The following OPCML variants were observed in gnomAD, a reference collection of about 807,000 sequenced individuals.
OPCML encodes the protein opioid-binding protein/cell adhesion molecule.
In OPCML, 13 loss-of-function variants were observed where a neutral mutation model predicts 37.8. The ratio of observed to expected loss-of-function variants is 0.34; its 90% CI spans 0.22 to 0.55. The LOEUF (loss-of-function observed/expected upper bound fraction) is 0.55. OPCML is among the 20% of genes least tolerant of loss of function. The pLI is 0.91. For missense variants in OPCML, 341 were observed against 435.6 expected (o/e 0.78, Z 1.93); for synonymous variants, 176 against 168.8 (o/e 1.04, Z -0.33).
At chr11:132,480,834 C>G (rs1592240748) in intron 4 of OPCML, among the ~76,000 whole-genome samples, 1 of 151,888 alleles carries the variant, frequency 6.6e-6, no homozygotes, top group East Asian at 1.9e-4. Context: ...GATTTTGTCA[C>G]CACCAGCCCT....
intron 2 of OPCML, among the ~76,000 whole-genome samples, chr11:132,825,907 C>A (rs1219555937): frequency 6.6e-6 from 1 of 152,190 alleles, no homozygotes; most frequent in African/African-American, 2.4e-5. Flanking sequence ...GCTTTTCCTG[C>A]TGATGTTTAT....
chr11:133,238,890 T>A (rs1032446229), intron 1 of OPCML, among the ~76,000 whole-genome samples: 1 of 152,210 alleles, frequency 6.6e-6, no homozygotes, highest in Non-Finnish European at 1.5e-5. Flanking sequence ...ATCTGGAGAT[T>A]TCAAAGTCCC....
chr11:133,092,527 C>A (rs1031280097), intron 1 of OPCML, among the ~76,000 whole-genome samples: 3 of 152,018 alleles, frequency 2.0e-5, no homozygotes, highest in Non-Finnish European at 2.9e-5. Context: ...GAGTTTGAGA[C>A]CAGCCTGGCC....
At position 132,436,715 on chromosome 11, in the gene OPCML, G is replaced by T; in HGVS notation, c.708C>A (p.Ser236Arg). ...CCATGGGGACTGCAGAGGCTTCACA[G>T]CTCAGGATGCCCTTCTGACCGACTG... The part of the protein sequence containing the change: ...GVSVGQKGIL[S>R]CEASAVPMAE... Residue 236 changes from serine to arginine, a missense_variant, in exon 6 of 8, where the codon AGC becomes AGA. Ser to Arg is a moderately radical substitution (Grantham distance 110). Coordinates refer to ENST00000524381, the MANE Select transcript of OPCML (RefSeq NM_001012393.5). 3 of 1,614,134 alleles carry T rather than the reference G, an allele frequency of 1.9e-6. No individual in the cohort carries two copies. Among genetic ancestry groups the T allele is most frequent in the Non-Finnish European group, 2.5e-6 (3 of 1,180,042 alleles).
intron 2 of OPCML, among the ~76,000 whole-genome samples, chr11:132,810,040 G>C (rs1020438344): frequency 1.2e-4 from 18 of 152,086 alleles, no homozygotes; most frequent in African/African-American, 4.3e-4. Flanking sequence ...TAGTAGAGAC[G>C]GGATTTCACC....
intron 1 of OPCML, chr11:133,007,597 T>C (rs1445360694): frequency 4.1e-6 from 4 of 985,332 alleles, no homozygotes; most frequent in Non-Finnish European, 3.6e-6. Context: ...TAGAATTGCT[T>C]GTAGAAGCTG....
intron 1 of OPCML, among the ~76,000 whole-genome samples, chr11:133,171,709 C>G (rs369292105): frequency 5.9e-5 from 9 of 152,316 alleles, no homozygotes; most frequent in African/African-American, 2.2e-4. Context: ...AATATCTGCT[C>G]TCCCAGGAGA....
At chr11:133,063,080 G>A (rs1948378205) in intron 1 of OPCML, among the ~76,000 whole-genome samples, 6 of 152,226 alleles carry the variant, frequency 3.9e-5, no homozygotes, top group South Asian at 2.1e-4. Context: ...GTCTCAGCAC[G>A]TGCTGTGAGT....
chr11:133,324,904 T>C (rs1049158934), intron 1 of OPCML, among the ~76,000 whole-genome samples: 3 of 152,170 alleles, frequency 2.0e-5, no homozygotes, highest in Non-Finnish European at 4.4e-5. Flanking sequence ...TATAGTATTA[T>C]AGATATATTC....
intron 7 of OPCML, among the ~76,000 whole-genome samples, chr11:132,426,270 T>A (rs1473856638): frequency 6.6e-6 from 1 of 152,132 alleles, no homozygotes; most frequent in Non-Finnish European, 1.5e-5. Context: ...AGGGATCCAT[T>A]TGTGTGGACA....
chr11:133,148,308 G>T (rs1257512320), intron 1 of OPCML, among the ~76,000 whole-genome samples: 1 of 152,150 alleles, frequency 6.6e-6, no homozygotes. Flanking sequence ...TCATGCCATT[G>T]ATCAGATAAT....
chr11:132,760,562 T>C (rs930264789), intron 2 of OPCML, among the ~76,000 whole-genome samples: 2 of 141,498 alleles, frequency 1.4e-5, no homozygotes, highest in East Asian at 2.0e-4. Context: ...ATGCCCTTCT[T>C]TTTTTTTTTT....
chr11:132,950,054 T>C (rs956318872), intron 1 of OPCML, among the ~76,000 whole-genome samples: 1 of 152,304 alleles, frequency 6.6e-6, no homozygotes, highest in East Asian at 1.9e-4. Context: ...GGTAGCCCGC[T>C]AGCCCCAGCA....
At chr11:133,060,584 G>A (rs1325087756) in intron 1 of OPCML, among the ~76,000 whole-genome samples, 1 of 152,224 alleles carries the variant, frequency 6.6e-6, no homozygotes, top group African/African-American at 2.4e-5. Flanking sequence ...GCAGCCACCA[G>A]GCCTTGGCTC....
At chr11:133,510,628 T>G (rs550697561) in intron 1 of OPCML, among the ~76,000 whole-genome samples, 1 of 152,330 alleles carries the variant, frequency 6.6e-6, no homozygotes, top group South Asian at 2.1e-4. Context: ...TGATTTAGGA[T>G]AGCATGTGGT....
intron 2 of OPCML, among the ~76,000 whole-genome samples, chr11:132,794,449 A>AT (rs1161951409): frequency 6.6e-6 from 1 of 152,132 alleles, no homozygotes; most frequent in African/African-American, 2.4e-5. Context: ...CTGGATAAAT[A>AT]TTTTTTCTAA....
At chr11:132,843,900 G>A (rs1941406042) in intron 2 of OPCML, among the ~76,000 whole-genome samples, 1 of 152,208 alleles carries the variant, frequency 6.6e-6, no homozygotes, top group Non-Finnish European at 1.5e-5. Flanking sequence ...TTTCAAATAA[G>A]TGGTTGATAT....
Position 133,054,627 on chromosome 11 carries a change from A to T in OPCML, c.62-111617T>A, listed in dbSNP as rs140579704. Among the ~76,000 whole-genome samples, 237 of 152,328 alleles carry T rather than the reference A, an allele frequency of 1.6e-3. 4 individuals carry two copies. In the East Asian group the frequency reaches 0.034, roughly 22 times the overall value. ...ACACTTACAGGAATTTAAAATCAAC[A>T]GGCAAAGATGATTTCGATTTAACCA... On this transcript the variant is annotated intron_variant, in intron 1 of 7. Transcript: ENST00000524381.
At chr11:132,639,525 C>T (rs1940719893) in intron 3 of OPCML, among the ~76,000 whole-genome samples, 2 of 152,258 alleles carry the variant, frequency 1.3e-5, no homozygotes, top group African/African-American at 4.8e-5. Flanking sequence ...CCTCCCACCT[C>T]CTTGTGTTCT....
Sources: gnomAD v4.1 joint callset for allele counts (sites outside exome capture counted in the v4.1 genomes callset) on GRCh38, gnomAD v4.1.1 for gene constraint, MANE v1.5 for transcripts, NCBI Gene and HGNC (gene_info 2026-07-23, HGNC 2026-07-21) for gene names.